TBC1D1: variants seen among roughly 807,000 people sequenced by gnomAD.
The protein encoded by TBC1D1 is TBC1 domain family member 1, also known as TBC1 (tre-2/USP6, BUB2, cdc16) domain family, member 1.
A neutral mutation model predicts 125.6 loss-of-function variants in TBC1D1; 89 were observed. That is an observed-to-expected ratio of 0.71 (90% CI 0.60 to 0.85). TBC1D1 has a LOEUF of 0.85. Among genes scored for constraint, TBC1D1 ranks in the 40% least tolerant of loss-of-function variants. The probability of loss-of-function intolerance (pLI) is 0.00; values close to 1 mark genes in which losing one functional copy is unlikely to be tolerated. For missense variants in TBC1D1, 1,377 were observed against 1,469.2 expected, an observed-to-expected ratio of 0.94 and a Z score of 1.03; for synonymous variants, 565 against 564.1, an observed-to-expected ratio of 1.00 and a Z score of -0.02.
At chr4:38,006,997 A>G (rs1578241650) in intron 2 of TBC1D1, 1 of 421,710 alleles carries the variant, frequency 2.4e-6, no homozygotes, top group South Asian at 2.0e-5. Flanking sequence ...GGTTCACTAA[A>G]CAGTGTCACC....
chr4:38,123,668 GGAAA>G (rs1481934730), intron 17 of TBC1D1, among the ~76,000 whole-genome samples: 2 of 152,344 alleles, frequency 1.3e-5, no homozygotes, highest in African/African-American at 4.8e-5. Context: ...TGATGTTTGT[GGAAA>G]GAGTGTGGAC....
At chr4:38,131,684 A>T (rs1765613261) in intron 18 of TBC1D1, among the ~76,000 whole-genome samples, 1 of 152,156 alleles carries the variant, frequency 6.6e-6, no homozygotes, top group Non-Finnish European at 1.5e-5. Context: ...TGGAGCCGCA[A>T]TTTTAAGGCT....
chr4:37,952,403 A>C (rs1361438215), intron 2 of TBC1D1: 1 of 324,778 alleles, frequency 3.1e-6, no homozygotes, highest in Non-Finnish European at 6.0e-6. Flanking sequence ...GGTAGACTGG[A>C]TAAAGAAAAT....
chr4:37,947,477 G>A (rs1025263636), intron 2 of TBC1D1, among the ~76,000 whole-genome samples: 5 of 151,758 alleles, frequency 3.3e-5, no homozygotes, highest in Non-Finnish European at 7.4e-5. Context: ...TTATTTTTTA[G>A]AGACAGGGTC....
intron 12 of TBC1D1, among the ~76,000 whole-genome samples, chr4:38,063,243 C>T (rs1378309082): frequency 6.6e-6 from 1 of 152,190 alleles, no homozygotes; most frequent in Non-Finnish European, 1.5e-5. Flanking sequence ...GTGAGGCCAG[C>T]ACGTGTCCAG....
intron 2 of TBC1D1, among the ~76,000 whole-genome samples, chr4:37,929,095 G>A (rs976679282): frequency 3.3e-5 from 5 of 152,186 alleles, no homozygotes; most frequent in East Asian, 1.9e-4. Context: ...ATGCCAAACT[G>A]CATTTAGTAA....
intron 12 of TBC1D1, among the ~76,000 whole-genome samples, chr4:38,063,357 G>C (rs1753104092): frequency 1.3e-5 from 2 of 151,546 alleles, no homozygotes; most frequent in South Asian, 2.1e-4. Context: ...ACACCCTGGG[G>C]GCCTATTTGC....
In TBC1D1 at chr4:37,995,235, T is replaced by C. The variant is rs912396113; in HGVS notation, c.418-19274T>C. ...TGCTAGGAGCCTGGACAGATAAAGG[T>C]GTAAACAAAAATGTTAGCAGAGGGT... On this transcript the variant is annotated intron_variant, in intron 2 of 19. Coordinates refer to ENST00000261439, the MANE Select transcript of TBC1D1 (RefSeq NM_015173.4). The surrounding 1 kb of genome is among the most constrained non-coding windows in gnomAD (Gnocchi z 4.3). Among the ~76,000 whole-genome samples the C allele has an allele frequency of 6.6e-6, 1 of 152,118 alleles. No individual in the cohort carries two copies. Among genetic ancestry groups the C allele is most frequent in the African/African-American group, 2.4e-5 (1 of 41,410 alleles).
At chr4:37,933,173 C>T (rs182962732) in intron 2 of TBC1D1, among the ~76,000 whole-genome samples, 18 of 152,046 alleles carry the variant, frequency 1.2e-4, no homozygotes, top group East Asian at 5.8e-4. Flanking sequence ...AATAAAATTT[C>T]GACCCTTTCA....
intron 11 of TBC1D1, 48 bp from the exon 12 acceptor site, chr4:38,051,851 G>T: frequency 6.6e-7 from 1 of 1,517,932 alleles, no homozygotes; most frequent in Non-Finnish European, 8.9e-7. Flanking sequence ...CCCTGTCGGC[G>T]CCCCCTCTCC....
At chr4:37,943,687 A>G (rs899612173) in intron 2 of TBC1D1, among the ~76,000 whole-genome samples, 2 of 152,198 alleles carry the variant, frequency 1.3e-5, no homozygotes, top group African/African-American at 4.8e-5. Flanking sequence ...CAGCTCCATC[A>G]GGTCCTTTAA....
intron 15 of TBC1D1, among the ~76,000 whole-genome samples, chr4:38,105,243 C>G (rs1314680085): frequency 2.0e-5 from 3 of 152,098 alleles, no homozygotes; most frequent in African/African-American, 4.8e-5. Context: ...ACTGCTGCTG[C>G]CTAACTTCAC....
chr4:38,083,301 A>C (rs901736849), intron 12 of TBC1D1, among the ~76,000 whole-genome samples: 22 of 152,244 alleles, frequency 1.4e-4, no homozygotes, highest in African/African-American at 5.3e-4. Flanking sequence ...TTAAGCAACC[A>C]AGAGTCAGCC....
intron 2 of TBC1D1, among the ~76,000 whole-genome samples, chr4:37,998,922 T>C (rs187466801): frequency 6.6e-6 from 1 of 152,316 alleles, no homozygotes; most frequent in African/African-American, 2.4e-5. Context: ...GGTCACACTT[T>C]CCCTACGTCA....
chr4:37,977,812 C>T lies in TBC1D1; in HGVS notation c.418-36697C>T, dbSNP rs1733516437. Among the ~76,000 whole-genome samples, 1 of 152,140 alleles carries T rather than the reference C, an allele frequency of 6.6e-6. No homozygotes were observed. Among genetic ancestry groups the T allele is most frequent in the Admixed American group, 6.5e-5 (1 of 15,288 alleles). ...GGGAGCCCGAACCCAGCAGGCGGCT[C>T]CTCCGGCCCCTGTCGCTCCCCGCGC... On this transcript the variant is annotated intron_variant, in intron 2 of 19. Coordinates refer to ENST00000261439, the MANE Select transcript of TBC1D1 (RefSeq NM_015173.4). This position sits in a 1 kb window ranked among gnomAD's most constrained non-coding sequence, Gnocchi z 4.3.
chr4:38,095,316 T>TC (rs35768514), intron 13 of TBC1D1, among the ~76,000 whole-genome samples: 1 of 152,140 alleles, frequency 6.6e-6, no homozygotes, highest in Non-Finnish European at 1.5e-5. Context: ...TTGATATTAC[T>TC]CCCCCCTGGG....
intron 2 of TBC1D1, among the ~76,000 whole-genome samples, chr4:38,001,182 T>C (rs1340899654): frequency 6.6e-6 from 1 of 151,888 alleles, no homozygotes; most frequent in Non-Finnish European, 1.5e-5. Flanking sequence ...ATTGCGCCAC[T>C]GGACTCCAGC....
At chr4:38,129,934 G>C (rs1463478582) in intron 18 of TBC1D1, among the ~76,000 whole-genome samples, 3 of 152,156 alleles carry the variant, frequency 2.0e-5, no homozygotes, top group Admixed American at 6.5e-5. Context: ...AGTGGCTGTT[G>C]GGAGACAATT....
At chr4:38,126,860 C>T (rs1011971201) in intron 18 of TBC1D1, among the ~76,000 whole-genome samples, 8 of 152,186 alleles carry the variant, frequency 5.3e-5, no homozygotes, top group Admixed American at 3.9e-4. Context: ...AGTGCTTTAG[C>T]AGCTCTCCTA....
Sources: gnomAD v4.1 joint callset for allele counts (sites outside exome capture counted in the v4.1 genomes callset) on GRCh38, gnomAD v4.1.1 for gene constraint, Gnocchi (gnomAD v3.1) non-coding constraint, MANE v1.5 for transcripts, NCBI Gene and HGNC (gene_info 2026-07-23, HGNC 2026-07-21) for gene names.